BLTP1: variants seen among roughly 807,000 people sequenced by gnomAD.
The protein encoded by BLTP1 is bridge-like lipid transfer protein family member 1.
At chr4:122,214,184 T>G in the BLTP1 span, 2 of 960,376 alleles carry the variant, frequency 2.1e-6, no homozygotes, top group African/African-American at 3.5e-5. Flanking sequence ...TTTTGAGAAA[T>G]GAGCATCATT....
chr4:122,190,331 A>C, the BLTP1 span: 1 of 713,294 alleles, frequency 1.4e-6, no homozygotes, highest in Non-Finnish European at 1.7e-6. Flanking sequence ...CCTGGCCTTA[A>C]GTGATCCTCC....
the BLTP1 span, chr4:122,264,306 T>G: frequency 6.2e-7 from 1 of 1,611,050 alleles, no homozygotes. Flanking sequence ...AACACTGTCT[T>G]GTCTAGTGAC....
At chr4:122,160,741 T>G in the BLTP1 span, among the ~76,000 whole-genome samples, 1 of 152,228 alleles carries the variant, frequency 6.6e-6, no homozygotes, top group African/African-American at 2.4e-5. Context: ...TGGGATCTCC[T>G]TAGGCCATGG....
the BLTP1 span, chr4:122,180,212 G>T: frequency 1.0e-6 from 1 of 983,078 alleles, no homozygotes; most frequent in Non-Finnish European, 1.2e-6. Context: ...GTGACTTAAG[G>T]CAAGAATTTT....
At chr4:122,320,365 G>A in the BLTP1 span, among the ~76,000 whole-genome samples, 1 of 151,864 alleles carries the variant, frequency 6.6e-6, no homozygotes, top group African/African-American at 2.4e-5. Context: ...TGCCCAGGCT[G>A]GTCTCAAACT....
chr4:122,240,566 A>G, the BLTP1 span, among the ~76,000 whole-genome samples: 1 of 152,214 alleles, frequency 6.6e-6, no homozygotes, highest in Non-Finnish European at 1.5e-5. Context: ...ATGAGTTGCC[A>G]CTGCATTAAT....
At chr4:122,301,061 G>T in the BLTP1 span, 2 of 951,480 alleles carry the variant, frequency 2.1e-6, no homozygotes, top group Non-Finnish European at 2.5e-6. Flanking sequence ...CACATGTTTT[G>T]GTTCAATAAT....
chr4:122,359,073 C>T, the BLTP1 span, among the ~76,000 whole-genome samples: 1 of 147,802 alleles, frequency 6.8e-6, no homozygotes, highest in African/African-American at 2.6e-5. Context: ...TATCTCAAAG[C>T]TGTTAAAAAA....
the BLTP1 span, chr4:122,174,804 GA>G: frequency 1.5e-6 from 1 of 676,922 alleles, no homozygotes; most frequent in Non-Finnish European, 2.3e-6. Flanking sequence ...TTGATGAATT[GA>G]TGTTTTAAAA....
the BLTP1 span, chr4:122,325,346 A>C: frequency 6.3e-7 from 1 of 1,579,314 alleles, no homozygotes; most frequent in Non-Finnish European, 8.6e-7. Flanking sequence ...TTTGTTAGAG[A>C]TATACATTGC....
the BLTP1 span, among the ~76,000 whole-genome samples, chr4:122,283,311 TATTG>T: frequency 6.6e-6 from 1 of 152,150 alleles, no homozygotes. Flanking sequence ...CAGCATCACT[TATTG>T]ATTATTCTTT....
At chr4:122,172,000 A>G in the BLTP1 span, 3 of 866,448 alleles carry the variant, frequency 3.5e-6, no homozygotes, top group Non-Finnish European at 4.2e-6. Context: ...AGTGATTTAT[A>G]GTAAAAATTT....
At chr4:122,287,577 A>G in the BLTP1 span, 1 of 985,422 alleles carries the variant, frequency 1.0e-6, no homozygotes, top group Non-Finnish European at 1.2e-6. Flanking sequence ...AAACTGTTGC[A>G]ACTTTATGAA....
the BLTP1 span, chr4:122,261,569 T>C: frequency 1.0e-6 from 1 of 984,554 alleles, no homozygotes; most frequent in Non-Finnish European, 1.2e-6. Context: ...GGAAAGTCTT[T>C]TTGGCATTTC....
the BLTP1 span, chr4:122,328,665 T>C: frequency 1.0e-6 from 1 of 982,902 alleles, no homozygotes; most frequent in East Asian, 1.1e-4. Context: ...GCTGTATTCC[T>C]GTGGCATTAC....
the BLTP1 span, among the ~76,000 whole-genome samples, chr4:122,300,208 C>G: frequency 2.0e-5 from 3 of 152,046 alleles, no homozygotes; most frequent in African/African-American, 7.2e-5. Context: ...TGGGGTTTCT[C>G]CATGTTGGCC....
chr4:122,280,031 G>T, the BLTP1 span: 1 of 1,609,288 alleles, frequency 6.2e-7, no homozygotes, highest in East Asian at 2.2e-5. Flanking sequence ...ACTACCTCAG[G>T]GTATTCTTTG....
At chr4:122,355,551 T>C in the BLTP1 span, among the ~76,000 whole-genome samples, 1 of 148,176 alleles carries the variant, frequency 6.7e-6, no homozygotes. Context: ...ATATACTACA[T>C]ATATATCTAT....
chr4:122,164,349 A>G, the BLTP1 span: 1 of 930,930 alleles, frequency 1.1e-6, no homozygotes, highest in Non-Finnish European at 1.3e-6. Flanking sequence ...TGGAAATATT[A>G]CACGCCAGTT....
Sources: allele counts gnomAD v4.1 joint callset (sites outside exome capture counted in the v4.1 genomes callset), GRCh38; gene constraint gnomAD v4.1.1; transcripts MANE v1.5; gene names NCBI Gene and HGNC (gene_info 2026-07-23, HGNC 2026-07-21).